Variants in ZNF280C observed in about 807,000 individuals in gnomAD.
ZNF280C encodes suppressor of hairy wing homolog 3.
A neutral mutation model predicts 53.6 loss-of-function variants in ZNF280C; 14 were observed. That is an observed-to-expected ratio of 0.26 (90% CI 0.17 to 0.41). The LOEUF is 0.41. Ranked by LOEUF, ZNF280C falls within the 10% of genes least tolerant of loss-of-function variation. ZNF280C has a pLI of 1.00. For missense variants in ZNF280C, 416 were observed against 547.1 expected, an observed-to-expected ratio of 0.76 and a Z score of 2.39; for synonymous variants, 203 against 181.1, an observed-to-expected ratio of 1.12 and a Z score of -0.97.
At chrX:130,218,719 G>A (rs1193633363) in intron 13 of ZNF280C, among the ~76,000 whole-genome samples, 1 of 112,086 alleles carries the variant, frequency 8.9e-6, no homozygotes, top group Non-Finnish European at 1.9e-5. Context: ...ATGACCTTGA[G>A]TAAGGAATTT....
chrX:130,251,253 G>T lies in ZNF280C; in HGVS notation c.32-4248C>A, dbSNP rs575504125. ...GCCATGATGGCACCACTGTATTTTA[G>T]TCTAGGCAAACGCAGTAAGGACCTG... On this transcript the variant is annotated intron_variant, in intron 2 of 18. Coordinates refer to ENST00000370978, the MANE Select transcript of ZNF280C (RefSeq NM_017666.5). Among the ~76,000 whole-genome samples, 27 of 75,329 alleles carry T rather than the reference G, an allele frequency of 3.6e-4. No individual in the cohort carries two copies. In the South Asian group the frequency reaches 0.026, roughly 73 times the overall value. 65.4% of individuals were successfully genotyped at this position (75,329 alleles called of 115,157 possible). A position where few individuals can be genotyped will look rare whatever the true frequency, so the allele number is the denominator to read the frequency against.
chrX:130,252,501 C>G (rs774551638), intron 2 of ZNF280C, among the ~76,000 whole-genome samples: 7 of 111,132 alleles, frequency 6.3e-5, no homozygotes, highest in Non-Finnish European at 1.3e-4. Context: ...GTGGGCGGAT[C>G]ACGAGGTCAA....
intron 8 of ZNF280C, among the ~76,000 whole-genome samples, chrX:130,231,809 GA>G (rs2032279026): frequency 9.0e-6 from 1 of 110,666 alleles, no homozygotes; most frequent in African/African-American, 3.3e-5. Context: ...GGCGGATCAC[GA>G]GGTCAGGAGT....
intron 5 of ZNF280C, among the ~76,000 whole-genome samples, chrX:130,242,407 A>G (rs2032402427): frequency 1.8e-5 from 2 of 112,602 alleles, no homozygotes; most frequent in Admixed American, 9.4e-5. Context: ...CTAAACTATG[A>G]AAGTATGATT....
rs778192331 is a variant in ZNF280C at position 130,205,157 on chromosome X, A to T, written c.2162-4T>A. 8.3e-7 allele frequency: 1 copy of T among 1,200,265 alleles called. No homozygotes were observed. The highest frequency in any genetic ancestry group is 1.8e-5 in the South Asian group (1 of 54,937). On this transcript the variant is annotated splice_region_variant and splice_polypyrimidine_tract_variant and intron_variant, in intron 17 of 18. Transcript: ENST00000370978. ...GAAGTTGAGGTACTTTTGGAAACTG[A>T]AATCAAAAGAGTTTTACATTTACAA... is the stretch of plus-strand genomic sequence containing the variant.
At chrX:130,239,129 A>G (rs1207224365) in intron 6 of ZNF280C, among the ~76,000 whole-genome samples, 1 of 111,847 alleles carries the variant, frequency 8.9e-6, no homozygotes, top group Non-Finnish European at 1.9e-5. Context: ...ATACTACTCT[A>G]TAATCATATT....
intron 12 of ZNF280C, among the ~76,000 whole-genome samples, chrX:130,222,327 CACA>C (rs1569433570): frequency 1.0e-4 from 11 of 106,824 alleles, no homozygotes; most frequent in African/African-American, 2.4e-4. Context: ...CACACACACA[CACA>C]CCCTTCTCTA....
At chrX:130,228,581 C>T (rs1276891983) in intron 10 of ZNF280C, among the ~76,000 whole-genome samples, 4 of 106,499 alleles carry the variant, frequency 3.8e-5, no homozygotes, top group African/African-American at 1.4e-4. Context: ...CTGCGCCCGA[C>T]CAAGGGACTT....
intron 3 of ZNF280C, among the ~76,000 whole-genome samples, chrX:130,246,390 A>C (rs1290543678): frequency 8.9e-6 from 1 of 112,450 alleles, no homozygotes; most frequent in African/African-American, 3.2e-5. Flanking sequence ...TATCAAGATG[A>C]TACTTTGATG....
chrX:130,267,788 T>C (rs1353541860), intron 1 of ZNF280C, among the ~76,000 whole-genome samples: 3 of 111,990 alleles, frequency 2.7e-5, no homozygotes, highest in African/African-American at 9.7e-5. Flanking sequence ...ACTCTACTTC[T>C]AGGTTTCTAT....
At chrX:130,216,745 T>C (rs2614253) in intron 13 of ZNF280C, among the ~76,000 whole-genome samples, 6,645 of 111,636 alleles carry the variant, frequency 0.06, 280 homozygotes, top group African/African-American at 0.16. Flanking sequence ...AGGCCTGTAC[T>C]CCCTGAACTT....
chrX:130,205,985 ATC>A (rs1246517628), intron 16 of ZNF280C, among the ~76,000 whole-genome samples: 1 of 112,011 alleles, frequency 8.9e-6, no homozygotes, highest in Non-Finnish European at 1.9e-5. Flanking sequence ...AAAGCTAGGC[ATC>A]AAGAGACTCA....
intron 2 of ZNF280C, among the ~76,000 whole-genome samples, chrX:130,252,718 C>CAA (rs57006868): frequency 0.036 from 3,401 of 95,613 alleles, 57 homozygotes; most frequent in Non-Finnish European, 0.047. Flanking sequence ...GACTCCGTCT[C>CAA]AAAAAAAAAA....
chrX:130,232,881 C>T lies in ZNF280C; in HGVS notation c.772-2154G>A, dbSNP rs181027197. On this transcript the variant is annotated intron_variant, in intron 8 of 18. Transcript: ENST00000370978. ...GGAATCCCAATGAGACATCTGTACT[C>T]CCATGTAGGTAGACTTCATTGCAGG... is the stretch of plus-strand genomic sequence containing the variant. 3.3e-3 allele frequency among the ~76,000 whole-genome samples: 372 copies of T among 111,530 alleles called. 3 individuals are homozygous for T. The highest frequency in any genetic ancestry group is 0.011 in the African/African-American group (346 of 30,658).
At chrX:130,207,706 T>C (rs111459680) in intron 16 of ZNF280C, among the ~76,000 whole-genome samples, 1 of 111,969 alleles carries the variant, frequency 8.9e-6, no homozygotes, top group African/African-American at 3.2e-5. Context: ...ACTTTGTGCT[T>C]CATCCAAATT....
chrX:130,222,452 G>C (rs1461671825), intron 12 of ZNF280C, among the ~76,000 whole-genome samples: 2 of 111,473 alleles, frequency 1.8e-5, no homozygotes, highest in Admixed American at 9.6e-5. Context: ...CTTAAATAAA[G>C]AAATAAAGTG....
At position 130,205,412 on chromosome X, in the gene ZNF280C, G is replaced by A. The variant is rs768446773; in HGVS notation, c.2046C>T (p.Gly682=). Residue 682 remains glycine, a synonymous_variant, in exon 17 of 19, where the codon GGC becomes GGT. Transcript: ENST00000370978. ...IFKKHSGTLR[G]ITLVCLKCDF... The stretch of plus-strand genomic sequence containing the variant: ...CACATTTAAGGCACACTAGAGTAAT[G>A]CCCCTATGAAAAAAAAGAAGACAGT... 1.7e-6 allele frequency: 2 copies of A among 1,145,971 alleles called. No individual in the cohort carries two copies. Among genetic ancestry groups the A allele is most frequent in the Non-Finnish European group, 1.2e-6 (1 of 848,454 alleles). The allele number at this position is 1,145,971 out of a possible 1,213,427, so 94.4% of individuals were successfully genotyped here. A position where few individuals can be genotyped will look rare whatever the true frequency, so the allele number is the denominator to read the frequency against.
intron 3 of ZNF280C, among the ~76,000 whole-genome samples, chrX:130,245,548 C>T (rs1239439349): frequency 9.0e-6 from 1 of 111,568 alleles, no homozygotes; most frequent in African/African-American, 3.3e-5. Flanking sequence ...AGTAGAAATG[C>T]TATTCCAAGT....
chrX:130,243,511 TATA>T, intron 5 of ZNF280C, 49 bp downstream of exon 5: 2 of 1,152,196 alleles, frequency 1.7e-6, no homozygotes, highest in Non-Finnish European at 1.2e-6. Context: ...AACTCAGTAT[TATA>T]ATAGCCAATG....
Sources: allele counts gnomAD v4.1 joint callset (sites outside exome capture counted in the v4.1 genomes callset), GRCh38; gene constraint gnomAD v4.1.1; transcripts MANE v1.5; gene names NCBI Gene and HGNC (gene_info 2026-07-23, HGNC 2026-07-21).